The following CFAP54 variants were observed in gnomAD, a reference collection of about 807,000 sequenced individuals.
The protein encoded by CFAP54 is cilia- and flagella-associated protein 54.
A neutral mutation model predicts 370.4 loss-of-function variants in CFAP54; 290 were observed. That is an observed-to-expected ratio of 0.78 (90% CI 0.71 to 0.86). The LOEUF is 0.86. CFAP54 is among the 40% of genes least tolerant of loss of function. The probability of loss-of-function intolerance (pLI) is 0.00; values close to 1 mark genes in which losing one functional copy is unlikely to be tolerated. For missense variants in CFAP54, 3,399 were observed against 3,528.7 expected (o/e 0.96, Z 0.93); for synonymous variants, 1,206 against 1,236.5 (o/e 0.98, Z 0.52).
chr12:96,821,033 T>C (rs1959026605), intron 65 of CFAP54, among the ~76,000 whole-genome samples: 1 of 152,116 alleles, frequency 6.6e-6, no homozygotes. Context: ...GAGTAAGGAT[T>C]CTAGATTGTA....
At chr12:96,781,581 A>G (rs1336329000) in intron 60 of CFAP54, among the ~76,000 whole-genome samples, 1 of 152,166 alleles carries the variant, frequency 6.6e-6, no homozygotes, top group Non-Finnish European at 1.5e-5. Flanking sequence ...AACTTTGGAA[A>G]TAGAAAACCC....
chr12:96,555,609 C>A (rs535566555), intron 17 of CFAP54, among the ~76,000 whole-genome samples: 1 of 148,960 alleles, frequency 6.7e-6, no homozygotes, highest in South Asian at 2.1e-4. Flanking sequence ...TATTTCTATA[C>A]AACAGCAGTT....
intron 45 of CFAP54, among the ~76,000 whole-genome samples, chr12:96,695,900 A>G (rs1321592416): frequency 6.6e-6 from 1 of 152,214 alleles, no homozygotes; most frequent in Non-Finnish European, 1.5e-5. Flanking sequence ...GTCCTTGCTT[A>G]TAAGGAAGTG....
intron 55 of CFAP54, among the ~76,000 whole-genome samples, chr12:96,753,181 A>G (rs186077077): frequency 6.6e-6 from 1 of 152,364 alleles, no homozygotes; most frequent in Non-Finnish European, 1.5e-5. Flanking sequence ...TCTCTTCCAT[A>G]CAATGGTTTT....
At chr12:96,562,547 C>T (rs756040426) in intron 17 of CFAP54, among the ~76,000 whole-genome samples, 1 of 151,514 alleles carries the variant, frequency 6.6e-6, no homozygotes, top group Non-Finnish European at 1.5e-5. Flanking sequence ...CTGCCTCAGC[C>T]TCTCAAGTAG....
intron 23 of CFAP54, among the ~76,000 whole-genome samples, 188 bp from the exon 24 acceptor site, chr12:96,592,302 G>A (rs111443971): frequency 5.3e-5 from 8 of 152,284 alleles, no homozygotes; most frequent in African/African-American, 1.9e-4. Flanking sequence ...TTGTGTATCT[G>A]TGACATAATA....
rs144770564 is a variant in CFAP54 at position 96,742,529 on chromosome 12, C to T, written c.7162C>T (p.Arg2388Cys). The change falls in exon 52 of 68, where the codon CGC becomes TGC. Residue 2388 changes from arginine to cysteine, a missense_variant. Arg to Cys is a radical substitution (Grantham distance 180). Transcript: ENST00000524981. ...CAACATTCATCTGTGGTTGAGGTGCCGCTTAGCATTGGTGACTGCATTTGT... is the reference window on the plus strand; with the variant it reads ...CAACATTCATCTGTGGTTGAGGTGCTGCTTAGCATTGGTGACTGCATTTGT... ...YFNIHLWLRC[R>C]LALVTAFVAQ... The T allele has an allele frequency of 1.8e-4, 283 of 1,613,210 alleles. No homozygotes were observed. Among genetic ancestry groups the T allele is most frequent in the Middle Eastern group, 1.7e-3 (10 of 6,006 alleles).
chr12:96,723,120 T>G (rs1373763280), intron 50 of CFAP54, among the ~76,000 whole-genome samples: 1 of 152,224 alleles, frequency 6.6e-6, no homozygotes, highest in Non-Finnish European at 1.5e-5. Flanking sequence ...TTACACATTA[T>G]GTAATGTATC....
intron 50 of CFAP54, among the ~76,000 whole-genome samples, chr12:96,723,940 G>C (rs984446042): frequency 6.7e-6 from 1 of 148,410 alleles, no homozygotes; most frequent in Non-Finnish European, 1.5e-5. Context: ...TTGGTTTTTT[G>C]TCCTTGCAAT....
At position 96,756,531 on chromosome 12, in the gene CFAP54, A is replaced by G. The variant is rs780167660; in HGVS notation, c.7914A>G (p.Ile2638Met). Residue 2638 changes from isoleucine (I) to methionine (M), a missense_variant, in exon 57 of 68, where the codon ATA (isoleucine) becomes ATG (methionine). By Grantham distance (10) the Ile-to-Met change is conservative (BLOSUM62 1). This residue lies in a region of CFAP54 where 2,796 missense variants were observed against 2,869.7 expected (regional missense o/e 0.97). Transcript: ENST00000524981. ...SFQLESLYEA[I>M]QLSLKNDQNS... ...AACTTGAGAGTTTATATGAAGCTAT[A>G]CAACTAAGCCTGAAAAATGATCAAA... The G allele has an allele frequency of 6.2e-7, 1 of 1,605,610 alleles. No homozygotes were observed. The highest frequency in any genetic ancestry group is 1.1e-5 in the South Asian group (1 of 90,128).
intron 58 of CFAP54, among the ~76,000 whole-genome samples, chr12:96,760,658 G>A (rs142060086): frequency 3.9e-5 from 6 of 152,210 alleles, no homozygotes; most frequent in East Asian, 3.9e-4. Flanking sequence ...TCAGCTTCCC[G>A]AGTAGCTCGG....
intron 39 of CFAP54, among the ~76,000 whole-genome samples, chr12:96,670,289 C>T (rs560426441): frequency 6.6e-6 from 1 of 152,296 alleles, no homozygotes; most frequent in Admixed American, 6.5e-5. Flanking sequence ...ATTACTATAA[C>T]AACCCCAATA....
intron 1 of CFAP54, among the ~76,000 whole-genome samples, chr12:96,491,217 G>T (rs1954880611): frequency 6.6e-6 from 1 of 152,126 alleles, no homozygotes; most frequent in Non-Finnish European, 1.5e-5. Context: ...AGATGAGAAA[G>T]ATATGGGAGC....
At chr12:96,706,338 G>T (rs59172183) in intron 47 of CFAP54, among the ~76,000 whole-genome samples, 2,920 of 152,232 alleles carry the variant, frequency 0.019, 106 homozygotes, top group African/African-American at 0.067. Context: ...GGGGTAATCA[G>T]GTTAGTCTTC....
chr12:96,520,467 G>A (rs552543776), intron 6 of CFAP54, among the ~76,000 whole-genome samples: 5 of 152,072 alleles, frequency 3.3e-5, no homozygotes, highest in Admixed American at 1.3e-4. Flanking sequence ...AGCTGAGATC[G>A]CACCGTTGCA....
chr12:96,859,280 G>T (rs1792469375), intron 66 of CFAP54, among the ~76,000 whole-genome samples: 1 of 152,188 alleles, frequency 6.6e-6, no homozygotes, highest in African/African-American at 2.4e-5. Flanking sequence ...TCTAGCTTAT[G>T]CATGTGGAAA....
At chr12:96,606,052 G>GA (rs1381298158) in intron 26 of CFAP54, among the ~76,000 whole-genome samples, 3 of 151,710 alleles carry the variant, frequency 2.0e-5, no homozygotes, top group African/African-American at 7.3e-5. Flanking sequence ...ATTTAGTGGG[G>GA]GGGTGACAAA....
At chr12:96,685,275 A>G in intron 42 of CFAP54, 37 bp downstream of exon 42, 2 of 1,591,166 alleles carry the variant, frequency 1.3e-6, no homozygotes, top group East Asian at 4.5e-5. Context: ...GTACTAGCTA[A>G]CAGCTTCCTT....
At chr12:96,777,667 G>A (rs1958533007) in intron 60 of CFAP54, among the ~76,000 whole-genome samples, 1 of 151,950 alleles carries the variant, frequency 6.6e-6, no homozygotes, top group South Asian at 2.1e-4. Flanking sequence ...ATATTCTTAA[G>A]TGAAACTGAC....
Sources: gnomAD v4.1 joint callset for allele counts (sites outside exome capture counted in the v4.1 genomes callset) on GRCh38, gnomAD v4.1.1 for gene constraint, gnomAD v4.1.1 regional missense constraint, MANE v1.5 for transcripts, NCBI Gene and HGNC (gene_info 2026-07-23, HGNC 2026-07-21) for gene names.